Variants in DNAH7 observed in about 807,000 individuals in gnomAD.
The protein encoded by DNAH7 is axonemal beta dynein heavy chain 7.
DNAH7 carries 397 observed loss-of-function variants against 444.6 expected under a neutral mutation model. That is an observed-to-expected ratio of 0.89 (90% confidence interval 0.82 to 0.97). The LOEUF (loss-of-function observed/expected upper bound fraction) is 0.97, where lower values mean the gene tolerates loss of function less well. Ranked by LOEUF, DNAH7 falls within the 50% of genes least tolerant of loss-of-function variation. The pLI is 0.00. For synonymous variants in DNAH7, 1,636 were observed against 1,624.4 expected (o/e 1.01, Z -0.17); for missense variants, 4,902 against 4,800.8 (o/e 1.02, Z -0.62).
chr2:195,997,727 T>C (rs1236647402), intron 12 of DNAH7, among the ~76,000 whole-genome samples: 1 of 152,182 alleles, frequency 6.6e-6, no homozygotes, highest in African/African-American at 2.4e-5. Flanking sequence ...AAAGGTTGTG[T>C]TAAGAAACAG....
rs769415299 is a variant in DNAH7, at chr2:196,026,739, C to A, written c.667+21G>T. ...TGAGACACATATTTGAATTAAAAAT[C>A]AAAGCATAATACCAATTTACCTATG... On this transcript the variant is annotated intron_variant, in intron 7 of 64. Coordinates refer to ENST00000312428, the MANE Select transcript of DNAH7 (RefSeq NM_018897.3). 1.0e-5 allele frequency: 16 copies of A among 1,539,018 alleles called. No individual in the cohort carries two copies. The East Asian group carries it at 1.1e-4, about 11-fold the overall frequency.
chr2:196,051,124 A>G (rs895587265), intron 3 of DNAH7, 63 bp downstream of exon 3: 2 of 1,456,940 alleles, frequency 1.4e-6, no homozygotes, highest in Non-Finnish European at 1.9e-6. Flanking sequence ...TTTTCAAGTT[A>G]GAAAACTAAT....
intron 2 of DNAH7, among the ~76,000 whole-genome samples, chr2:196,056,429 A>G (rs1213276274): frequency 2.0e-5 from 3 of 151,824 alleles, no homozygotes; most frequent in Non-Finnish European, 4.4e-5. Flanking sequence ...GAAAAAAAAA[A>G]AAAAAAGAAA....
chr2:195,784,912 CTT>C (rs36020233), intron 58 of DNAH7, among the ~76,000 whole-genome samples: 118 of 124,336 alleles, frequency 9.5e-4, no homozygotes, highest in Non-Finnish European at 1.2e-3. Context: ...ATCTTTGACC[CTT>C]TTTTTTTTTT....
At chr2:196,020,980 T>C (rs1695345269) in intron 8 of DNAH7, among the ~76,000 whole-genome samples, 3 of 152,276 alleles carry the variant, frequency 2.0e-5, no homozygotes, top group African/African-American at 7.2e-5. Context: ...ATAAGTTCCA[T>C]CCTTCAAACT....
At chr2:195,823,710 G>C (rs937136392) in intron 49 of DNAH7, among the ~76,000 whole-genome samples, 2 of 152,026 alleles carry the variant, frequency 1.3e-5, no homozygotes, top group Admixed American at 6.5e-5. Context: ...AACAGAATAA[G>C]GTGTAGGCCA....
intron 47 of DNAH7, among the ~76,000 whole-genome samples, chr2:195,838,615 G>A (rs1485394757): frequency 6.6e-6 from 1 of 151,484 alleles, no homozygotes; most frequent in East Asian, 1.9e-4. Flanking sequence ...AATATATATA[G>A]TCCAATTTGA....
In DNAH7 at chr2:196,012,432, G is replaced by A. The variant is rs193176942; in HGVS notation, c.989+355C>T. On this transcript the variant is annotated intron_variant, in intron 10 of 64. Transcript: ENST00000312428. ...TGCTTTCCCCATCCAAAAACAAAATGAAGGGAGGTACAGAGCCTAGCATGT... is the reference window on the plus strand; with the variant it reads ...TGCTTTCCCCATCCAAAAACAAAATAAAGGGAGGTACAGAGCCTAGCATGT... Among the ~76,000 whole-genome samples the A allele has an allele frequency of 3.0e-3, 460 of 152,142 alleles. 3 individuals are homozygous for A. The highest frequency in any genetic ancestry group is 0.011 in the African/African-American group (442 of 41,522).
intron 27 of DNAH7, 130 bp downstream of exon 27, chr2:195,906,529 G>T: frequency 1.5e-5 from 8 of 551,444 alleles, no homozygotes; most frequent in East Asian, 1.1e-4. Context: ...GAGTTCAAGT[G>T]ATCCTCCCAC....
At chr2:195,748,447 G>A (rs1693566077) in intron 63 of DNAH7, among the ~76,000 whole-genome samples, 1 of 152,094 alleles carries the variant, frequency 6.6e-6, no homozygotes, top group South Asian at 2.1e-4. Flanking sequence ...TCCCCATCAA[G>A]CTACCAATGA....
At chr2:195,829,953 T>A (rs1025223738) in intron 48 of DNAH7, among the ~76,000 whole-genome samples, 14 of 152,082 alleles carry the variant, frequency 9.2e-5, no homozygotes, top group African/African-American at 2.9e-4. Context: ...TTAAATTTTT[T>A]AAAAATTTAA....
At chr2:195,771,634 G>A in intron 61 of DNAH7, 26 bp downstream of exon 61, 1 of 1,500,438 alleles carries the variant, frequency 6.7e-7, no homozygotes, top group Middle Eastern at 1.7e-4. Context: ...TTTAATGGGG[G>A]TTTTTTTTGG....
chr2:196,000,780 A>C lies in DNAH7; in HGVS notation c.1277T>G (p.Phe426Cys). The C allele has an allele frequency of 1.2e-6, 2 of 1,603,948 alleles. No individual in the cohort carries two copies. Among genetic ancestry groups the C allele is most frequent in the Non-Finnish European group, 1.7e-6 (2 of 1,174,574 alleles). The change falls in exon 12 of 65, where the codon TTT becomes TGT. Residue 426 changes from phenylalanine (F) to cysteine (C), a missense_variant. Physicochemically the swap from Phe to Cys is radical, Grantham distance 205 (BLOSUM62 -2). Coordinates refer to ENST00000312428, the MANE Select transcript of DNAH7 (RefSeq NM_018897.3). ...AATCATGACGTCATAAACATTTAGAAAGATATCTATATAGTCACTCAACTC... is the reference window on the plus strand; with the variant it reads ...AATCATGACGTCATAAACATTTAGACAGATATCTATATAGTCACTCAACTC... ...EPELSDYIDI[F>C]LNVYDVMIKA...
chr2:196,014,850 T>C (rs926717812), intron 9 of DNAH7, among the ~76,000 whole-genome samples: 1 of 152,148 alleles, frequency 6.6e-6, no homozygotes, highest in African/African-American at 2.4e-5. Context: ...TGCACTTGCT[T>C]TTTTCACTGA....
chr2:195,836,756 AT>A (rs1698396338), intron 47 of DNAH7, among the ~76,000 whole-genome samples: 1 of 152,198 alleles, frequency 6.6e-6, no homozygotes, highest in Non-Finnish European at 1.5e-5. Flanking sequence ...TTAGAAATAT[AT>A]TTTTAAGTTT....
At position 195,813,752 on chromosome 2, in the gene DNAH7, T is replaced by C. The variant is rs543639569; in HGVS notation, c.9761+2876A>G. Among the ~76,000 whole-genome samples the C allele has an allele frequency of 4.6e-5, 7 of 152,350 alleles. No homozygotes were observed. The South Asian group carries it at 1.4e-3, about 32-fold the overall frequency. On this transcript the variant is annotated intron_variant, in intron 51 of 64. Coordinates refer to ENST00000312428, the MANE Select transcript of DNAH7 (RefSeq NM_018897.3). Reference sequence around the variant, plus strand: ...TATGTGTCATGTTCCGTTTAATGTTTATTCAACAATAAAACTATTTTCTTT... The same window carrying C: ...TATGTGTCATGTTCCGTTTAATGTTCATTCAACAATAAAACTATTTTCTTT...
chr2:195,760,492 G>T (rs1694299525), intron 61 of DNAH7, among the ~76,000 whole-genome samples: 1 of 152,098 alleles, frequency 6.6e-6, no homozygotes, highest in East Asian at 1.9e-4. Context: ...GCTGGTTTCA[G>T]GTCTGACCCA....
At chr2:195,760,648 G>C (rs1321458503) in intron 61 of DNAH7, among the ~76,000 whole-genome samples, 1 of 152,082 alleles carries the variant, frequency 6.6e-6, no homozygotes, top group Non-Finnish European at 1.5e-5. Flanking sequence ...ATTTAGAGAA[G>C]TCTTCTGAAC....
Position 195,960,245 on chromosome 2 carries a change from T to C in DNAH7, c.2891+15A>G, listed in dbSNP as rs770699177. 3.8e-6 allele frequency: 6 copies of C among 1,575,502 alleles called. No individual in the cohort carries two copies. In the African/African-American group the frequency reaches 6.8e-5, roughly 18 times the overall value. ...GTAACATAGCATAAACATTGCCATA[T>C]AAATATCACTTTACCTCATTTGTTT... On this transcript the variant is annotated intron_variant, in intron 18 of 64. Coordinates refer to ENST00000312428, the MANE Select transcript of DNAH7 (RefSeq NM_018897.3).
Sources: allele counts gnomAD v4.1 joint callset (sites outside exome capture counted in the v4.1 genomes callset), GRCh38; gene constraint gnomAD v4.1.1; transcripts MANE v1.5; gene names NCBI Gene and HGNC (gene_info 2026-07-23, HGNC 2026-07-21).